Variants in GABRA5 observed in about 807,000 individuals in gnomAD.
GABRA5 encodes gamma-aminobutyric acid receptor subunit alpha-5.
A neutral mutation model predicts 47.3 loss-of-function variants in GABRA5; 18 were observed. The observed-to-expected ratio is 0.38, with a 90% CI of 0.26 to 0.56. The LOEUF is 0.56. GABRA5 is among the 20% of genes least tolerant of loss of function. The probability of loss-of-function intolerance (pLI) is 0.71; values close to 1 mark genes in which losing one functional copy is unlikely to be tolerated. For missense variants in GABRA5, 365 were observed against 599.3 expected, an observed-to-expected ratio of 0.61 and a Z score of 4.08; for synonymous variants, 237 against 229.3, an observed-to-expected ratio of 1.03 and a Z score of -0.30.
At chr15:26,884,050 G>A (rs1222197669) in intron 6 of GABRA5, among the ~76,000 whole-genome samples, 2 of 151,842 alleles carry the variant, frequency 1.3e-5, no homozygotes, top group Admixed American at 6.6e-5. Context: ...TCACCCAGGC[G>A]AGGAGGCATG....
intron 4 of GABRA5, among the ~76,000 whole-genome samples, chr15:26,881,303 G>A (rs1892724361): frequency 6.6e-6 from 1 of 152,102 alleles, no homozygotes; most frequent in Admixed American, 6.5e-5. Flanking sequence ...CAGCTTTTAG[G>A]CGTTACTAAA....
At position 26,914,788 on chromosome 15, in the gene GABRA5, T is replaced by A; in HGVS notation, c.498-15T>A. On this transcript the variant is annotated splice_polypyrimidine_tract_variant and intron_variant, in intron 6 of 10. Coordinates refer to ENST00000335625, the MANE Select transcript of GABRA5 (RefSeq NM_000810.4). ...TGAGAGAGTCGTTCAAAGGTCTTCATCTTTTATTTTTCAGCTTGACCATCT... is the reference window on the plus strand; with the variant it reads ...TGAGAGAGTCGTTCAAAGGTCTTCAACTTTTATTTTTCAGCTTGACCATCT... The A allele has an allele frequency of 1.9e-6, 3 of 1,605,174 alleles. No individual in the cohort carries two copies. Among genetic ancestry groups the A allele is most frequent in the South Asian group, 2.2e-5 (2 of 90,902 alleles).
At chr15:26,923,002 C>G (rs989284975) in intron 7 of GABRA5, among the ~76,000 whole-genome samples, 7 of 152,146 alleles carry the variant, frequency 4.6e-5, no homozygotes, top group African/African-American at 1.7e-4. Context: ...AATATGAAAA[C>G]CTTACCTCCC....
At chr15:26,919,352 TA>T (rs1175913616) in intron 7 of GABRA5, among the ~76,000 whole-genome samples, 4 of 113,352 alleles carry the variant, frequency 3.5e-5, no homozygotes, top group South Asian at 2.5e-4. Context: ...TGTGCTTCAT[TA>T]TTTTTTTTGT....
chr15:26,869,149 G>A, intron 2 of GABRA5, 26 bp from the exon 3 acceptor site: 1 of 762,914 alleles, frequency 1.3e-6, no homozygotes, highest in Non-Finnish European at 2.4e-6. Context: ...ATGTTCACGT[G>A]CTTCCCCGCT....
At chr15:26,869,884 C>T (rs901209747) in intron 3 of GABRA5, among the ~76,000 whole-genome samples, 1 of 152,218 alleles carries the variant, frequency 6.6e-6, no homozygotes, top group Admixed American at 6.5e-5. Context: ...AAAGACACCC[C>T]TGAGGTTCTG....
chr15:26,870,295 CCT>C (rs1433347929), intron 3 of GABRA5, among the ~76,000 whole-genome samples: 1 of 152,194 alleles, frequency 6.6e-6, no homozygotes, highest in Non-Finnish European at 1.5e-5. Flanking sequence ...TTCTGTCTGT[CCT>C]CTGTACATTT....
At chr15:26,947,788 G>T (rs1004050248) in intron 10 of GABRA5, 146 bp from the exon 11 acceptor site, 3 of 665,926 alleles carry the variant, frequency 4.5e-6, no homozygotes, top group African/African-American at 3.7e-5. Flanking sequence ...CTGTCTGCAG[G>T]CTACCTGGCG....
At chr15:26,917,313 C>G (rs767834175) in intron 7 of GABRA5, among the ~76,000 whole-genome samples, 5 of 152,048 alleles carry the variant, frequency 3.3e-5, no homozygotes, top group Non-Finnish European at 7.4e-5. Context: ...AACACTTTTT[C>G]TGCATCTACT....
At chr15:26,909,206 G>C (rs112705533) in intron 6 of GABRA5, among the ~76,000 whole-genome samples, 2,518 of 152,100 alleles carry the variant, frequency 0.017, 25 homozygotes, top group Non-Finnish European at 0.027. Flanking sequence ...ATGGTCCTGC[G>C]TCACTCTTGC....
At chr15:26,934,279 A>AG (rs1204771167) in intron 7 of GABRA5, among the ~76,000 whole-genome samples, 12 of 151,876 alleles carry the variant, frequency 7.9e-5, no homozygotes, top group African/African-American at 2.9e-4. Flanking sequence ...AAAGAAAGAA[A>AG]AAAAAGGAAA....
At chr15:26,893,725 G>T (rs1274837649) in intron 6 of GABRA5, among the ~76,000 whole-genome samples, 4 of 152,018 alleles carry the variant, frequency 2.6e-5, no homozygotes, top group African/African-American at 7.2e-5. Flanking sequence ...TGGGCGAGGG[G>T]CTGAGTCTGG....
chr15:26,887,881 C>T (rs1411717865), intron 6 of GABRA5, among the ~76,000 whole-genome samples: 1 of 152,190 alleles, frequency 6.6e-6, no homozygotes, highest in African/African-American at 2.4e-5. Context: ...ATATCCGTCA[C>T]CTCAAACATG....
intron 6 of GABRA5, among the ~76,000 whole-genome samples, chr15:26,902,184 C>T (rs146871903): frequency 0.02 from 3,071 of 152,080 alleles, 106 homozygotes; most frequent in African/African-American, 0.07. Flanking sequence ...CACAAAACAA[C>T]GTGCTTGAAT....
chr15:26,946,110 G>A (rs1894504929), intron 10 of GABRA5, among the ~76,000 whole-genome samples: 1 of 152,132 alleles, frequency 6.6e-6, no homozygotes, highest in Non-Finnish European at 1.5e-5. Context: ...CCTGGTTTTG[G>A]TTCACCTGTT....
chr15:26,872,077 G>A (rs1194193160), intron 3 of GABRA5, among the ~76,000 whole-genome samples: 2 of 152,162 alleles, frequency 1.3e-5, no homozygotes, highest in Non-Finnish European at 2.9e-5. Context: ...AGCCACAAAA[G>A]ACATCATAAA....
Position 26,883,224 on chromosome 15 carries a change from C to A in GABRA5, c.267C>A (p.Asp89Glu). ...TCACCAGCTTCGGCCCGGTGTCCGACACGGAAATGGTAGGTCCCGGGGCAT... is the reference window on the plus strand; with the variant it reads ...TCACCAGCTTCGGCCCGGTGTCCGAAACGGAAATGGTAGGTCCCGGGGCAT... ...IYVTSFGPVS[D>E]TEMEYTIDVF... is the part of the protein sequence containing the mutation. The change falls in exon 5 of 11, where the codon GAC becomes GAA. Residue 89 changes from aspartate to glutamate, a missense_variant. By Grantham distance (45) the Asp-to-Glu change is conservative. Coordinates refer to ENST00000335625, the MANE Select transcript of GABRA5 (RefSeq NM_000810.4). This position sits in a 1 kb window ranked among gnomAD's most constrained non-coding sequence, Gnocchi z 4.8. 6.2e-7 allele frequency: 1 copy of A among 1,613,884 alleles called. No individual in the cohort carries two copies. The highest frequency in any genetic ancestry group is 8.5e-7 in the Non-Finnish European group (1 of 1,179,794).
chr15:26,885,803 C>G (rs1892863088), intron 6 of GABRA5, among the ~76,000 whole-genome samples: 1 of 152,074 alleles, frequency 6.6e-6, no homozygotes, highest in African/African-American at 2.4e-5. Flanking sequence ...AGACAGAGGC[C>G]GAGGTGTTGG....
At chr15:26,885,493 A>G (rs750387030) in intron 6 of GABRA5, among the ~76,000 whole-genome samples, 1 of 152,122 alleles carries the variant, frequency 6.6e-6, no homozygotes, top group Non-Finnish European at 1.5e-5. Context: ...AATCTATTTG[A>G]CAGCAGGACT....
Sources: gnomAD v4.1 joint callset for allele counts (sites outside exome capture counted in the v4.1 genomes callset) on GRCh38, gnomAD v4.1.1 for gene constraint, Gnocchi (gnomAD v3.1) non-coding constraint, MANE v1.5 for transcripts, NCBI Gene and HGNC (gene_info 2026-07-23, HGNC 2026-07-21) for gene names.